MYO1H: variants seen among roughly 807,000 people sequenced by gnomAD.
MYO1H encodes the protein unconventional myosin-Ih.
A neutral mutation model predicts 149.3 loss-of-function variants in MYO1H; 118 were observed. That is an observed-to-expected ratio of 0.79 (90% confidence interval 0.68 to 0.92). The LOEUF is 0.92. MYO1H is among the 40% of genes least tolerant of loss of function. The pLI is 0.00. For synonymous variants in MYO1H, 447 were observed against 465.2 expected (o/e 0.96, Z 0.50); for missense variants, 1,212 against 1,280.7 (o/e 0.95, Z 0.82).
exon 10 of MYO1H, chr12:109,407,910 C>G: frequency 6.2e-7 from 1 of 1,613,928 alleles, no homozygotes. Context: ...CCTTAGTTAA[C>G]AAGGTTGGTC....
In MYO1H at chr12:109,401,209, A is replaced by T. The variant is rs1437420966; in HGVS notation, c.687A>T (p.Glu229Asp). Residue 229 changes from glutamate to aspartate, a missense_variant, in exon 6 of 32, where the codon GAA (glutamate) becomes GAT (aspartate). Physicochemically the swap from Glu to Asp is conservative, Grantham distance 45. Transcript: ENST00000310903. ...TCTACCAGCTGCTGGCAGGTGGCGA[A>T]GAGGAGCGCCTGTCTTACCTGGGAC... is the stretch of plus-strand genomic sequence containing the variant. 3.1e-6 allele frequency: 5 copies of T among 1,613,828 alleles called. No homozygotes were observed. The South Asian group carries it at 5.5e-5, about 18-fold the overall frequency.
intron 1 of MYO1H, among the ~76,000 whole-genome samples, chr12:109,383,489 T>G (rs1869246436): frequency 6.6e-6 from 1 of 152,232 alleles, no homozygotes; most frequent in Admixed American, 6.5e-5. Context: ...AGTTTATTTC[T>G]TACGTACACA....
At chr12:109,333,442 T>C in the MYO1H span, among the ~76,000 whole-genome samples, 3 of 152,180 alleles carry the variant, frequency 2.0e-5, no homozygotes, top group Admixed American at 2.0e-4. Context: ...GTGCATTTGC[T>C]GGTTTTCTCT....
chr12:109,424,829 G>A lies in MYO1H; in HGVS notation c.1725+1G>A, dbSNP rs534350120. ...AGAAAACCGGAGGAGGCCCCCAACA[G>A]TGAGTGGGAAAAACACCCATGCAAA... On this transcript the variant is annotated splice_donor_variant, in intron 17 of 31. Coordinates refer to ENST00000310903, the Ensembl canonical transcript of MYO1H. LOFTEE classifies it high-confidence loss of function. 1.2e-6 allele frequency: 2 copies of A among 1,613,368 alleles called. No individual in the cohort carries two copies. The highest frequency in any genetic ancestry group is 2.2e-5 in the East Asian group (1 of 44,876).
intron 1 of MYO1H, among the ~76,000 whole-genome samples, chr12:109,366,090 G>A (rs960605447): frequency 9.2e-5 from 14 of 152,056 alleles, no homozygotes; most frequent in African/African-American, 1.2e-4. Flanking sequence ...CTCTTCTCCC[G>A]TCCATGGAAA....
At chr12:109,397,489 A>G (rs1869965219) in intron 4 of MYO1H, among the ~76,000 whole-genome samples, 1 of 152,146 alleles carries the variant, frequency 6.6e-6, no homozygotes, top group Admixed American at 6.5e-5. Flanking sequence ...CATTTCCAAT[A>G]TATTCCTAAT....
At chr12:109,409,248 T>TCTTCTTCTTC (rs1566031797) in intron 10 of MYO1H, among the ~76,000 whole-genome samples, 1 of 27,140 alleles carries the variant, frequency 3.7e-5, no homozygotes, top group Non-Finnish European at 7.6e-5. Flanking sequence ...TTCTTCTTCT[T>TCTTCTTCTTC]TTTTTTTTTT....
chr12:109,329,256 C>T, the MYO1H span, among the ~76,000 whole-genome samples: 77 of 152,208 alleles, frequency 5.1e-4, 4 homozygotes, highest in Admixed American at 4.2e-3. Flanking sequence ...ATTGTACAGC[C>T]GTGTTCATTA....
intron 19 of MYO1H, among the ~76,000 whole-genome samples, chr12:109,427,900 A>T (rs1871425422): frequency 9.3e-5 from 7 of 75,206 alleles, no homozygotes; most frequent in African/African-American, 4.2e-4. Flanking sequence ...AAAAAAAAAA[A>T]AAAAAAAAAA....
At chr12:109,361,166 T>C (rs542876838) in intron 1 of MYO1H, among the ~76,000 whole-genome samples, 1 of 152,200 alleles carries the variant, frequency 6.6e-6, no homozygotes, top group Non-Finnish European at 1.5e-5. Context: ...GCAATGTTTT[T>C]AAAAGGCTTA....
In MYO1H at chr12:109,377,322, A is replaced by C. The variant is rs574136766; in HGVS notation, c.13-11361A>C. On this transcript the variant is annotated intron_variant, in intron 1 of 31. Coordinates refer to ENST00000310903, the Ensembl canonical transcript of MYO1H. ...GTTGAGGGCCTCATAGTGGAAGATA[A>C]AGGGAAACTAACATGTGCAGAGATC... Among the ~76,000 whole-genome samples the C allele has an allele frequency of 3.9e-5, 6 of 152,310 alleles. 1 individual carries two copies. Among genetic ancestry groups the C allele is most frequent in the African/African-American group, 1.4e-4 (6 of 41,550 alleles).
At chr12:109,316,335 T>A in the MYO1H span, among the ~76,000 whole-genome samples, 1 of 152,198 alleles carries the variant, frequency 6.6e-6, no homozygotes, top group East Asian at 1.9e-4. Flanking sequence ...TTTCTTTCAG[T>A]CTTACTACTA....
Position 109,414,498 on chromosome 12 carries a change from GAAAA to G in MYO1H, c.1503-1021_1503-1018del, listed in dbSNP as rs1319169499. Among the ~76,000 whole-genome samples, 190 of 132,406 alleles carry G rather than the reference GAAAA, an allele frequency of 1.4e-3. 2 individuals carry two copies. The highest frequency in any genetic ancestry group is 5.0e-3 in the African/African-American group (179 of 35,992). The allele number at this position is 132,406 out of a possible 152,430, so 86.9% of individuals were successfully genotyped here. ...TCTCAAAAAAAAAAAAAAAAAGAAAGAAAAAAAAAATCAAGAATCTGTAGAAACT... is the reference window on the plus strand; with the variant it reads ...TCTCAAAAAAAAAAAAAAAAAGAAAGAAAAAATCAAGAATCTGTAGAAACT... On this transcript the variant is annotated intron_variant, in intron 14 of 31. Transcript: ENST00000310903.
At chr12:109,390,592 G>A (rs1342033510) in intron 2 of MYO1H, among the ~76,000 whole-genome samples, 9 of 151,880 alleles carry the variant, frequency 5.9e-5, no homozygotes, top group Non-Finnish European at 1.0e-4. Flanking sequence ...AGGAATATAA[G>A]TGCCAGTAGC....
In MYO1H at chr12:109,410,720, C is replaced by T. The variant is rs915475080; in HGVS notation, c.1362C>T (p.Ile454=). The T allele has an allele frequency of 3.7e-6, 6 of 1,602,070 alleles. No homozygotes were observed. The Admixed American group carries it at 1.0e-4, about 27-fold the overall frequency. The change falls in exon 13 of 32, where the codon ATC becomes ATT. Residue 454 remains isoleucine, a synonymous_variant. Transcript: ENST00000310903. ...CAATTAAATATTTCAACAACAAGAT[C>T]ATCTGTGATTTGGTAGAAGAGAGAC... is the stretch of plus-strand genomic sequence containing the variant.
rs949545023 is a variant in MYO1H, at chr12:109,444,075, A to C, written c.2825-138A>C. On this transcript the variant is annotated intron_variant, in intron 28 of 31. Transcript: ENST00000310903. Reference sequence around the variant, plus strand: ...GCCCACTAGCAGGCTAAGATTTCTAAAGTATGCCCTTCATCCTTCTGGGCC... The same window carrying C: ...GCCCACTAGCAGGCTAAGATTTCTACAGTATGCCCTTCATCCTTCTGGGCC... 4.3e-6 allele frequency: 3 copies of C among 702,068 alleles called. No individual in the cohort carries two copies. The South Asian group carries it at 5.1e-5, about 12-fold the overall frequency. The allele number at this position is 702,068 out of a possible 1,614,324, so 43.5% of individuals were successfully genotyped here. A position where few individuals can be genotyped will look rare whatever the true frequency, so the allele number is the denominator to read the frequency against.
intron 1 of MYO1H, among the ~76,000 whole-genome samples, chr12:109,370,127 A>C (rs1280772349): frequency 6.6e-6 from 1 of 152,104 alleles, no homozygotes; most frequent in Non-Finnish European, 1.5e-5. Flanking sequence ...ACAACTCAAG[A>C]TGAGATTTGG....
intron 5 of MYO1H, 127 bp downstream of exon 5, chr12:109,397,939 G>A: frequency 1.7e-6 from 1 of 583,542 alleles, no homozygotes; most frequent in South Asian, 2.9e-5. Flanking sequence ...AATATCCAGG[G>A]TTAGTGCTGG....
intron 5 of MYO1H, 44 bp from the exon 6 acceptor site, chr12:109,401,049 G>C (rs1190363531): frequency 6.4e-7 from 1 of 1,568,458 alleles, no homozygotes; most frequent in South Asian, 1.1e-5. Context: ...GGAAGAGAGT[G>C]GTTTGATTGT....
Sources: allele counts gnomAD v4.1 joint callset (sites outside exome capture counted in the v4.1 genomes callset), GRCh38; gene constraint gnomAD v4.1.1; transcripts MANE v1.5; gene names NCBI Gene and HGNC (gene_info 2026-07-23, HGNC 2026-07-21).